The following CNTN5 variants were observed in gnomAD, a reference collection of about 807,000 sequenced individuals.
The protein encoded by CNTN5 is contactin-5.
In CNTN5, 77 loss-of-function variants were observed where a neutral mutation model predicts 129.1. That is an observed-to-expected ratio of 0.60 (90% CI 0.50 to 0.72). The LOEUF (loss-of-function observed/expected upper bound fraction) is 0.72, where lower values mean the gene tolerates loss of function less well. Among genes scored for constraint, CNTN5 ranks in the 30% least tolerant of loss-of-function variants. The pLI, the probability that CNTN5 is intolerant of heterozygous loss-of-function variation, is 0.00. For missense variants in CNTN5, 1,478 were observed against 1,328.8 expected (o/e 1.11, Z -1.75); for synonymous variants, 509 against 465.6 (o/e 1.09, Z -1.20).
intron 21 of CNTN5, among the ~76,000 whole-genome samples, chr11:100,322,851 A>T (rs482383): frequency 0.057 from 8,631 of 152,172 alleles, 341 homozygotes; most frequent in East Asian, 0.23. Flanking sequence ...GAAAATTTTT[A>T]AAAATATCTG....
intron 3 of CNTN5, among the ~76,000 whole-genome samples, chr11:99,623,288 G>C (rs765476128): frequency 6.6e-6 from 1 of 152,114 alleles, no homozygotes; most frequent in Non-Finnish European, 1.5e-5. Context: ...TTAGTGGGAA[G>C]TTCAAGGAGT....
At chr11:100,289,964 C>A (rs1373170993) in intron 18 of CNTN5, among the ~76,000 whole-genome samples, 2 of 149,964 alleles carry the variant, frequency 1.3e-5, no homozygotes, top group Non-Finnish European at 3.0e-5. Flanking sequence ...TATACACCAA[C>A]AACAGACAGA....
chr11:99,172,961 C>T (rs954346938), intron 1 of CNTN5, among the ~76,000 whole-genome samples: 2 of 152,188 alleles, frequency 1.3e-5, no homozygotes, highest in South Asian at 2.1e-4. Flanking sequence ...ATTTATTGGA[C>T]TTACAGTTCC....
chr11:99,651,917 TAGAA>T (rs1260970752), intron 3 of CNTN5, among the ~76,000 whole-genome samples: 2 of 152,072 alleles, frequency 1.3e-5, no homozygotes, highest in Non-Finnish European at 2.9e-5. Context: ...AGTTCTGCGT[TAGAA>T]AGGAATGAAA....
chr11:99,306,751 T>C (rs1359722385), intron 1 of CNTN5, among the ~76,000 whole-genome samples: 1 of 8,042 alleles, frequency 1.2e-4, no homozygotes, highest in Non-Finnish European at 4.5e-4. Flanking sequence ...ATGATGATAA[T>C]AATAATAATA....
chr11:99,058,972 A>G (rs1338883656), intron 1 of CNTN5, among the ~76,000 whole-genome samples: 1 of 146,510 alleles, frequency 6.8e-6, no homozygotes, highest in Non-Finnish European at 1.5e-5. Flanking sequence ...TTATATATAC[A>G]CATACATACA....
chr11:99,900,547 A>ATT (rs143767332), intron 6 of CNTN5, among the ~76,000 whole-genome samples: 10 of 149,720 alleles, frequency 6.7e-5, no homozygotes, highest in Admixed American at 6.7e-4. Flanking sequence ...TCATTCATTA[A>ATT]TTTTTTTTTT....
chr11:100,130,225 T>C (rs1284424494), intron 13 of CNTN5, among the ~76,000 whole-genome samples: 4 of 152,154 alleles, frequency 2.6e-5, no homozygotes, highest in Admixed American at 1.3e-4. Flanking sequence ...TTTGAAAGCT[T>C]ACCTTTTATG....
intron 3 of CNTN5, among the ~76,000 whole-genome samples, chr11:99,558,848 A>T (rs1369953174): frequency 6.6e-6 from 1 of 152,122 alleles, no homozygotes; most frequent in African/African-American, 2.4e-5. Context: ...ATCTTTAATC[A>T]TCATATCTGC....
chr11:100,056,196 T>TA (rs1474621796), intron 9 of CNTN5, among the ~76,000 whole-genome samples: 1 of 151,752 alleles, frequency 6.6e-6, no homozygotes, highest in Non-Finnish European at 1.5e-5. Context: ...TGACTATTTT[T>TA]ACTCCAAGTT....
chr11:99,734,990 A>G (rs936669403), intron 3 of CNTN5, among the ~76,000 whole-genome samples: 1 of 149,554 alleles, frequency 6.7e-6, no homozygotes, highest in Admixed American at 6.6e-5. Context: ...CCTGGGGGAA[A>G]GAGCGAGACT....
rs189415944 is a variant in CNTN5 at position 99,252,500 on chromosome 11, A to T, written c.-209-72846A>T. ...AACCCAAATGGCTTAGGAAAAAAAAAAAAGAAAAAAACATCTAATGTCTCA... is the reference window on the plus strand; with the variant it reads ...AACCCAAATGGCTTAGGAAAAAAAATAAAGAAAAAAACATCTAATGTCTCA... On this transcript the variant is annotated intron_variant, in intron 1 of 24. Transcript: ENST00000524871. Among the ~76,000 whole-genome samples, 990 of 152,034 alleles carry T rather than the reference A, an allele frequency of 6.5e-3. 11 individuals carry two copies. Among genetic ancestry groups the T allele is most frequent in the African/African-American group, 0.022 (929 of 41,538 alleles).
chr11:99,887,876 T>C (rs576251592), intron 6 of CNTN5, among the ~76,000 whole-genome samples: 2 of 152,346 alleles, frequency 1.3e-5, no homozygotes, highest in African/African-American at 2.4e-5. Flanking sequence ...TCCACCTAGA[T>C]TGAGGGTGGG....
intron 3 of CNTN5, among the ~76,000 whole-genome samples, chr11:99,771,967 AAAC>A (rs1368633992): frequency 6.6e-6 from 1 of 151,926 alleles, no homozygotes; most frequent in Non-Finnish European, 1.5e-5. Context: ...GGAGAAAAAA[AAAC>A]CTGAAAAAAA....
intron 3 of CNTN5, among the ~76,000 whole-genome samples, chr11:99,703,805 T>C (rs1262476841): frequency 3.3e-5 from 5 of 151,012 alleles, no homozygotes; most frequent in Non-Finnish European, 7.4e-5. Context: ...TTTGAGTAAC[T>C]CTACTGGATC....
At chr11:99,837,558 T>C (rs983206930) in intron 4 of CNTN5, among the ~76,000 whole-genome samples, 5 of 152,010 alleles carry the variant, frequency 3.3e-5, no homozygotes, top group East Asian at 1.9e-4. Flanking sequence ...TTTACATACA[T>C]TTCAGTCTAG....
chr11:99,291,718 C>G (rs1308803721), intron 1 of CNTN5, among the ~76,000 whole-genome samples: 1 of 151,860 alleles, frequency 6.6e-6, no homozygotes, highest in Non-Finnish European at 1.5e-5. Context: ...CAGAAAGTTC[C>G]TACAACAGAA....
chr11:99,776,410 T>C (rs1945125953), intron 3 of CNTN5, among the ~76,000 whole-genome samples: 1 of 152,010 alleles, frequency 6.6e-6, no homozygotes, highest in African/African-American at 2.4e-5. Context: ...AAAATTTCTC[T>C]AAAAGCATTG....
rs543386668 is a variant in CNTN5 at position 99,918,468 on chromosome 11, T to C, written c.673+2319T>C. On this transcript the variant is annotated intron_variant, in intron 7 of 24. Transcript: ENST00000524871. ...TTTTAAAAACCTATTATTTTTACTATACTTTTGTCAAATGTTTTATGTGTC... is the reference window on the plus strand; with the variant it reads ...TTTTAAAAACCTATTATTTTTACTACACTTTTGTCAAATGTTTTATGTGTC... Among the ~76,000 whole-genome samples the C allele has an allele frequency of 8.8e-4, 134 of 152,302 alleles. 1 individual carries two copies. Among genetic ancestry groups the C allele is most frequent in the African/African-American group, 3.1e-3 (128 of 41,574 alleles).
Sources: allele counts gnomAD v4.1 joint callset (sites outside exome capture counted in the v4.1 genomes callset), GRCh38; gene constraint gnomAD v4.1.1; transcripts MANE v1.5; gene names NCBI Gene and HGNC (gene_info 2026-07-23, HGNC 2026-07-21).